The following ESRRG variants were observed in gnomAD, a reference collection of about 807,000 sequenced individuals.
ESRRG encodes the protein estrogen-related receptor gamma.
In ESRRG, 13 loss-of-function variants were observed where a neutral mutation model predicts 44.0. The ratio of observed to expected loss-of-function variants is 0.30; its 90% CI spans 0.19 to 0.47. The LOEUF is 0.47. ESRRG is among the 20% of genes least tolerant of loss of function. The pLI is 1.00. For missense variants in ESRRG, 395 were observed against 580.6 expected, an observed-to-expected ratio of 0.68 and a Z score of 3.29; for synonymous variants, 215 against 214.6, an observed-to-expected ratio of 1.00 and a Z score of -0.02.
intron 2 of ESRRG, among the ~76,000 whole-genome samples, chr1:216,858,854 T>G (rs896279747): frequency 2.6e-4 from 40 of 152,190 alleles, no homozygotes; most frequent in Non-Finnish European, 3.8e-4. Context: ...AGAGCAGTTC[T>G]GTGAAGCCAG....
intron 3 of ESRRG, among the ~76,000 whole-genome samples, chr1:216,642,620 T>A (rs1001662892): frequency 3.3e-5 from 5 of 152,142 alleles, no homozygotes; most frequent in Non-Finnish European, 5.9e-5. Context: ...GTGCAAGAAA[T>A]ACCTGTGAGG....
chr1:216,935,958 C>T (rs2064081265), intron 2 of ESRRG, among the ~76,000 whole-genome samples: 1 of 151,924 alleles, frequency 6.6e-6, no homozygotes, highest in Admixed American at 6.6e-5. Flanking sequence ...TAGGCATGGT[C>T]GATTATTAAC....
chr1:216,698,518 CAAAAAAAA>C (rs34454248), intron 1 of ESRRG, among the ~76,000 whole-genome samples: 3 of 73,916 alleles, frequency 4.1e-5, no homozygotes, highest in African/African-American at 1.8e-4. Context: ...GACTCAGTCT[CAAAAAAAA>C]AAAAAAAAAA....
chr1:217,058,658 T>C (rs2087679123), intron 1 of ESRRG, among the ~76,000 whole-genome samples: 1 of 152,064 alleles, frequency 6.6e-6, no homozygotes, highest in Non-Finnish European at 1.5e-5. Flanking sequence ...GTACTAGTAT[T>C]AGTATTGTCC....
At chr1:216,897,264 T>G (rs982741307) in intron 2 of ESRRG, among the ~76,000 whole-genome samples, 2 of 152,164 alleles carry the variant, frequency 1.3e-5, no homozygotes, top group Non-Finnish European at 2.9e-5. Flanking sequence ...GGAATTGAGA[T>G]GCCACTGGCC....
rs376426131 is a variant in ESRRG at position 216,888,622 on chromosome 1, T to C, written c.-14+50960A>G. ...TCGTACAGACTCTCACCAATACCTA[T>C]ATCAAAACTTGCTTCTACAGAATCA... is the stretch of plus-strand genomic sequence containing the variant. On this transcript the variant is annotated intron_variant, in intron 2 of 7. Transcript: ENST00000359162. Among the ~76,000 whole-genome samples, 33 of 152,302 alleles carry C rather than the reference T, an allele frequency of 2.2e-4. No homozygotes were observed. In the South Asian group the frequency reaches 6.2e-3, roughly 29 times the overall value.
At chr1:216,948,476 CA>C (rs5780948) in intron 1 of ESRRG, among the ~76,000 whole-genome samples, 54,531 of 103,278 alleles carry the variant, frequency 0.53, 13,136 homozygotes, top group East Asian at 0.76. Context: ...GACTCCATCT[CA>C]AAAAAAAAAA....
intron 2 of ESRRG, among the ~76,000 whole-genome samples, chr1:216,896,991 C>T (rs1348874134): frequency 1.3e-5 from 2 of 152,106 alleles, no homozygotes; most frequent in African/African-American, 4.8e-5. Context: ...GCAGAGCCAT[C>T]TTTTTTTGCC....
intron 5 of ESRRG, among the ~76,000 whole-genome samples, chr1:216,520,842 T>G (rs1387228128): frequency 1.3e-5 from 2 of 152,182 alleles, no homozygotes. Context: ...TGCCCAACCT[T>G]TTTAGGCTGC....
intron 1 of ESRRG, among the ~76,000 whole-genome samples, chr1:216,698,874 C>A (rs942734662): frequency 6.6e-6 from 1 of 152,146 alleles, no homozygotes; most frequent in Non-Finnish European, 1.5e-5. Context: ...TGAAAAATGG[C>A]GACTTTCATC....
intron 3 of ESRRG, among the ~76,000 whole-genome samples, chr1:216,577,168 GGA>G (rs142792725): frequency 1.3e-4 from 19 of 149,078 alleles, no homozygotes; most frequent in East Asian, 7.9e-4. Context: ...GATGTCAGAG[GGA>G]GAGAGAGAGA....
chr1:217,063,425 C>T (rs1216580525), intron 1 of ESRRG, among the ~76,000 whole-genome samples: 3 of 152,204 alleles, frequency 2.0e-5, no homozygotes, highest in Non-Finnish European at 4.4e-5. Flanking sequence ...ACCTTTCCCT[C>T]ACCTGATAGG....
chr1:216,603,928 C>G (rs1340100296), intron 3 of ESRRG, among the ~76,000 whole-genome samples: 2 of 33,048 alleles, frequency 6.1e-5, no homozygotes, highest in African/African-American at 2.7e-4. Context: ...GACTCTGAAT[C>G]AAAAAAAACA....
intron 2 of ESRRG, among the ~76,000 whole-genome samples, chr1:216,664,478 T>C (rs1450619398): frequency 1.3e-5 from 2 of 150,320 alleles, no homozygotes; most frequent in Non-Finnish European, 1.5e-5. Flanking sequence ...TTAATATTAT[T>C]GGTTAACAAA....
intron 2 of ESRRG, among the ~76,000 whole-genome samples, chr1:216,858,137 A>G (rs572318541): frequency 6.6e-6 from 1 of 152,304 alleles, no homozygotes; most frequent in Non-Finnish European, 1.5e-5. Flanking sequence ...AATACATTGT[A>G]ATTAAAATAA....
chr1:217,113,493 ACTC>A (rs1316986007), intron 1 of ESRRG, among the ~76,000 whole-genome samples: 1 of 151,740 alleles, frequency 6.6e-6, no homozygotes, highest in African/African-American at 2.4e-5. Context: ...TCAAGGAACT[ACTC>A]CTCTCCCCAG....
intron 1 of ESRRG, among the ~76,000 whole-genome samples, chr1:216,700,111 C>T (rs1038625767): frequency 3.6e-5 from 4 of 110,202 alleles, no homozygotes; most frequent in African/African-American, 1.3e-4. Flanking sequence ...TTATACTCCC[C>T]GCAGCCCCGC....
chr1:216,922,096 T>C (rs777999054), intron 2 of ESRRG, among the ~76,000 whole-genome samples: 7 of 152,170 alleles, frequency 4.6e-5, no homozygotes, highest in Non-Finnish European at 8.8e-5. Context: ...GTTCTCTCTA[T>C]GTCTCACCAT....
upstream of ESRRG, among the ~76,000 whole-genome samples, chr1:216,724,957 A>T (rs2087183289): frequency 6.6e-6 from 1 of 152,180 alleles, no homozygotes; most frequent in African/African-American, 2.4e-5. Flanking sequence ...CATGATAGAA[A>T]TAGTATAATC....
Sources: gnomAD v4.1 joint callset for allele counts (sites outside exome capture counted in the v4.1 genomes callset) on GRCh38, gnomAD v4.1.1 for gene constraint, MANE v1.5 for transcripts, NCBI Gene and HGNC (gene_info 2026-07-23, HGNC 2026-07-21) for gene names.